The following TMEM132D variants were observed in gnomAD, a reference collection of about 807,000 sequenced individuals.
TMEM132D encodes transmembrane protein 132D.
TMEM132D carries 21 observed loss-of-function variants against 62.3 expected under a neutral mutation model. The observed-to-expected ratio is 0.34, with a 90% CI of 0.24 to 0.49. TMEM132D has a LOEUF of 0.49. Ranked by LOEUF, TMEM132D falls within the 20% of genes least tolerant of loss-of-function variation. The probability of loss-of-function intolerance (pLI) is 0.99; values close to 1 mark genes in which losing one functional copy is unlikely to be tolerated. For synonymous variants in TMEM132D, 621 were observed against 575.6 expected, an observed-to-expected ratio of 1.08 and a Z score of -1.13; for missense variants, 1,346 against 1,402.8, an observed-to-expected ratio of 0.96 and a Z score of 0.65.
At chr12:129,520,169 A>T (rs773221913) in intron 3 of TMEM132D, among the ~76,000 whole-genome samples, 4 of 152,212 alleles carry the variant, frequency 2.6e-5, no homozygotes, top group Non-Finnish European at 2.9e-5. Context: ...AAATAATCTT[A>T]GGGCCTCCCA....
In TMEM132D at chr12:129,309,375, CT is replaced by C. The variant is rs1396127089; in HGVS notation, c.1299+28258del. Among the ~76,000 whole-genome samples the C allele has an allele frequency of 3.9e-5, 6 of 152,288 alleles. No individual in the cohort carries two copies. The East Asian group carries it at 9.6e-4, about 24-fold the overall frequency. On this transcript the variant is annotated intron_variant, in intron 4 of 8. Transcript: ENST00000422113. ...TAGTTCAATAATTACTTTATCACTACTTAGGCACCAAATTATCTAAATAGCT... is the reference window on the plus strand; with the variant it reads ...TAGTTCAATAATTACTTTATCACTACTAGGCACCAAATTATCTAAATAGCT...
chr12:129,619,625 A>C (rs1311421150), intron 2 of TMEM132D, among the ~76,000 whole-genome samples: 2 of 152,216 alleles, frequency 1.3e-5, no homozygotes, highest in East Asian at 3.9e-4. Context: ...ATTAACTTTT[A>C]ACAGAAAAGG....
chr12:129,644,096 G>A (rs980161473), intron 2 of TMEM132D, among the ~76,000 whole-genome samples: 7 of 151,782 alleles, frequency 4.6e-5, no homozygotes, highest in African/African-American at 1.2e-4. Context: ...CTCATGATTC[G>A]CCCGCCTCAG....
chr12:129,322,849 AATAG>A (rs1868767184), intron 4 of TMEM132D, among the ~76,000 whole-genome samples: 3 of 152,234 alleles, frequency 2.0e-5, no homozygotes, highest in African/African-American at 7.2e-5. Context: ...TGACAGATTT[AATAG>A]ATAGGACTCT....
At chr12:129,517,067 C>T (rs1875704162) in intron 3 of TMEM132D, among the ~76,000 whole-genome samples, 1 of 152,138 alleles carries the variant, frequency 6.6e-6, no homozygotes, top group Admixed American at 6.5e-5. Context: ...AACTTAATCA[C>T]ATCTTCAAAG....
In TMEM132D at chr12:129,332,346, T is replaced by C. The variant is rs560676780; in HGVS notation, c.1299+5288A>G. On this transcript the variant is annotated intron_variant, in intron 4 of 8. Transcript: ENST00000422113. ...ATTAGGGGGAAAAAAGGCAAACTATTGAAGAAGACTTCAAGAAAAAAATAC... is the reference window on the plus strand; with the variant it reads ...ATTAGGGGGAAAAAAGGCAAACTATCGAAGAAGACTTCAAGAAAAAAATAC... Among the ~76,000 whole-genome samples, 399 of 152,170 alleles carry C rather than the reference T, an allele frequency of 2.6e-3. 1 individual carries two copies. Among genetic ancestry groups the C allele is most frequent in the Non-Finnish European group, 4.5e-3 (306 of 68,000 alleles).
chr12:129,694,185 G>A (rs1211182570), intron 2 of TMEM132D, among the ~76,000 whole-genome samples: 2 of 152,212 alleles, frequency 1.3e-5, no homozygotes, highest in African/African-American at 4.8e-5. Flanking sequence ...AGCCCTGGAA[G>A]TGAACATCAA....
chr12:129,501,041 C>T (rs77294577), intron 3 of TMEM132D, among the ~76,000 whole-genome samples: 92 of 152,264 alleles, frequency 6.0e-4, no homozygotes, highest in African/African-American at 2.2e-3. Context: ...AGTTTGAGCA[C>T]CTTTTGTCTA....
In TMEM132D at chr12:129,867,792, G is replaced by T. The variant is rs1236697244; in HGVS notation, c.79+35469C>A. On this transcript the variant is annotated intron_variant, in intron 1 of 8. Coordinates refer to ENST00000422113, the MANE Select transcript of TMEM132D (RefSeq NM_133448.3). This position sits in a 1 kb window ranked among gnomAD's most constrained non-coding sequence, Gnocchi z 4.5. ...TAAAAGCTAAAATAAATTTTAAAAGGTATATATTTAAGCCAAAACTAACCT... is the reference window on the plus strand; with the variant it reads ...TAAAAGCTAAAATAAATTTTAAAAGTTATATATTTAAGCCAAAACTAACCT... Among the ~76,000 whole-genome samples the T allele has an allele frequency of 6.6e-6, 1 of 152,146 alleles. No homozygotes were observed. The highest frequency in any genetic ancestry group is 1.5e-5 in the Non-Finnish European group (1 of 68,030).
chr12:129,185,977 A>G (rs1271046321), intron 5 of TMEM132D, among the ~76,000 whole-genome samples: 1 of 152,198 alleles, frequency 6.6e-6, no homozygotes, highest in Non-Finnish European at 1.5e-5. Context: ...TTGAGTTGCC[A>G]AAAACCATAC....
At chr12:129,555,207 C>T (rs140689106) in intron 2 of TMEM132D, among the ~76,000 whole-genome samples, 74 of 152,282 alleles carry the variant, frequency 4.9e-4, no homozygotes, top group African/African-American at 1.4e-3. Flanking sequence ...CTCAACAGCC[C>T]GATGGTATTC....
intron 5 of TMEM132D, among the ~76,000 whole-genome samples, chr12:129,156,451 TC>T (rs541592881): frequency 6.6e-6 from 1 of 151,856 alleles, no homozygotes; most frequent in Non-Finnish European, 1.5e-5. Flanking sequence ...ACTAACCCAT[TC>T]CCATGATAAC....
intron 1 of TMEM132D, among the ~76,000 whole-genome samples, chr12:129,816,597 A>C (rs12578470): frequency 0.31 from 47,534 of 152,112 alleles, 7,439 homozygotes; most frequent in South Asian, 0.37. Context: ...ATCTTTGAGC[A>C]TATACAAGAG....
chr12:129,807,375 G>A (rs1308143763), intron 1 of TMEM132D, among the ~76,000 whole-genome samples: 1 of 152,130 alleles, frequency 6.6e-6, no homozygotes, highest in Non-Finnish European at 1.5e-5. Flanking sequence ...TCCCCCAGGT[G>A]GCAGCCACCA....
At chr12:129,086,231 T>TG (rs59780682) in intron 5 of TMEM132D, among the ~76,000 whole-genome samples, 3 of 148,284 alleles carry the variant, frequency 2.0e-5, no homozygotes, top group East Asian at 2.0e-4. Context: ...TGTGTGTGTG[T>TG]TGTGGTGAGG....
At chr12:129,302,744 C>T (rs1342062981) in intron 4 of TMEM132D, among the ~76,000 whole-genome samples, 3 of 152,206 alleles carry the variant, frequency 2.0e-5, no homozygotes, top group African/African-American at 7.2e-5. Flanking sequence ...GTGTCACCTC[C>T]TTTTACATCC....
Position 129,821,432 on chromosome 12 carries a change from C to T in TMEM132D, c.79+81829G>A, listed in dbSNP as rs557935534. Among the ~76,000 whole-genome samples the T allele has an allele frequency of 3.3e-5, 5 of 152,254 alleles. No homozygotes were observed. In the East Asian group the frequency reaches 9.7e-4, roughly 29 times the overall value. On this transcript the variant is annotated intron_variant, in intron 1 of 8. Coordinates refer to ENST00000422113, the MANE Select transcript of TMEM132D (RefSeq NM_133448.3). ...AAAGCTGTCAGATGGAATCTTCGTCCTCAGAAAACAGGCCAATGGAACTAC... is the reference window on the plus strand; with the variant it reads ...AAAGCTGTCAGATGGAATCTTCGTCTTCAGAAAACAGGCCAATGGAACTAC...
At chr12:129,131,363 T>C (rs1256168427) in intron 5 of TMEM132D, among the ~76,000 whole-genome samples, 1 of 152,106 alleles carries the variant, frequency 6.6e-6, no homozygotes, top group African/African-American at 2.4e-5. Flanking sequence ...TCCCAGCACT[T>C]TGGGAGGCCA....
chr12:129,285,539 A>AAAAAAAAAAAAAAGAGAGAG (rs56018646), intron 4 of TMEM132D, among the ~76,000 whole-genome samples: 2 of 90,076 alleles, frequency 2.2e-5, no homozygotes, highest in Non-Finnish European at 4.3e-5. Flanking sequence ...AAAAAAAAAA[A>AAAAAAAAAAAAAAGAGAGAG]AGAGAGAGAG....
Sources: allele counts gnomAD v4.1 joint callset (sites outside exome capture counted in the v4.1 genomes callset), GRCh38; gene constraint gnomAD v4.1.1; non-coding constraint Gnocchi (gnomAD v3.1); transcripts MANE v1.5; gene names NCBI Gene and HGNC (gene_info 2026-07-23, HGNC 2026-07-21).